The following PAFAH1B2 variants were observed in gnomAD, a reference collection of about 807,000 sequenced individuals.
The protein encoded by PAFAH1B2 is platelet activating factor acetylhydrolase 1b catalytic subunit 2, also known as platelet-activating factor acetylhydrolase IB subunit alpha2.
Under a neutral mutation model 28.0 loss-of-function variants are expected in PAFAH1B2, and 8 were observed. The observed-to-expected ratio is 0.29, with a 90% CI of 0.17 to 0.52. PAFAH1B2 has a LOEUF of 0.52. Among genes scored for constraint, PAFAH1B2 ranks in the 20% least tolerant of loss-of-function variants. The pLI is 0.97. For missense variants in PAFAH1B2, 190 were observed against 282.6 expected (o/e 0.67, Z 2.35); for synonymous variants, 104 against 103.2 (o/e 1.01, Z -0.05).
chr11:117,167,226 C>G (rs1314880046), intron 5 of PAFAH1B2, among the ~76,000 whole-genome samples, 195 bp from the exon 6 acceptor site: 1 of 151,948 alleles, frequency 6.6e-6, no homozygotes, highest in Non-Finnish European at 1.5e-5. Context: ...AGTTAAGGGA[C>G]AGGAGGAAGG....
chr11:117,174,511 T>G (rs557900635), downstream of PAFAH1B2, among the ~76,000 whole-genome samples: 26 of 142,670 alleles, frequency 1.8e-4, no homozygotes, highest in African/African-American at 4.0e-4. Context: ...TTTAGTGGTG[T>G]TTCACTCGTT....
intron 1 of PAFAH1B2, among the ~76,000 whole-genome samples, chr11:117,145,638 A>G (rs1955986182): frequency 6.6e-6 from 1 of 152,132 alleles, no homozygotes; most frequent in South Asian, 2.1e-4. Context: ...GAGGTGCTGG[A>G]CCGGAGGAAC....
chr11:117,151,612 A>T (rs79831695), intron 1 of PAFAH1B2, among the ~76,000 whole-genome samples: 2 of 152,220 alleles, frequency 1.3e-5, no homozygotes, highest in African/African-American at 4.8e-5. Flanking sequence ...GCCAAGGCCT[A>T]TGACTACTTT....
downstream of PAFAH1B2, among the ~76,000 whole-genome samples, chr11:117,174,720 C>T (rs1400593762): frequency 2.6e-5 from 4 of 152,138 alleles, no homozygotes; most frequent in Non-Finnish European, 5.9e-5. Flanking sequence ...TCAGGTGATC[C>T]GTCCACCTTG....
intron 2 of PAFAH1B2, among the ~76,000 whole-genome samples, chr11:117,157,945 C>G (rs1376780078): frequency 1.3e-5 from 2 of 151,994 alleles, no homozygotes; most frequent in Non-Finnish European, 2.9e-5. Flanking sequence ...CGAGACCAGC[C>G]TGACCAACAT....
chr11:117,165,335 G>A (rs1001425540), intron 5 of PAFAH1B2, among the ~76,000 whole-genome samples: 1 of 111,526 alleles, frequency 9.0e-6, no homozygotes. Flanking sequence ...GGGCAACAGA[G>A]CAAAACTCGG....
chr11:117,173,410 A>C (rs942830740), downstream of PAFAH1B2, among the ~76,000 whole-genome samples: 1 of 152,260 alleles, frequency 6.6e-6, no homozygotes, highest in African/African-American at 2.4e-5. Context: ...AGGACAGTAG[A>C]GACCAAGTCC....
intron 2 of PAFAH1B2, among the ~76,000 whole-genome samples, chr11:117,156,335 T>C (rs575913517): frequency 1.3e-5 from 2 of 152,346 alleles, no homozygotes; most frequent in East Asian, 1.9e-4. Context: ...TGGGACTCTT[T>C]AACAACTCTA....
Position 117,170,071 on chromosome 11 carries a change from G to A in PAFAH1B2, c.*2372G>A, listed in dbSNP as rs1956613350. ...TAAAATTCTGCCCCATTACTGATGT[G>A]CAGATATTGAGTTCACTTTCATTTT... On this transcript the variant is annotated 3_prime_UTR_variant, in exon 6 of 6. Coordinates refer to ENST00000527958, the MANE Select transcript of PAFAH1B2 (RefSeq NM_002572.4). 1.2e-5 allele frequency: 13 copies of A among 1,055,660 alleles called. No homozygotes were observed. Among genetic ancestry groups the A allele is most frequent in the Non-Finnish European group, 1.5e-5 (13 of 873,500 alleles). 65.4% of individuals were successfully genotyped at this position (1,055,660 alleles called of 1,614,324 possible).
chr11:117,172,353 TA>T (rs1956667546), downstream of PAFAH1B2, among the ~76,000 whole-genome samples: 12 of 2,474 alleles, frequency 4.9e-3, no homozygotes, highest in African/African-American at 9.7e-3. Flanking sequence ...TAGCTTTATA[TA>T]TATATATATA....
chr11:117,151,238 T>TG (rs1173299887), intron 1 of PAFAH1B2, among the ~76,000 whole-genome samples: 1 of 149,148 alleles, frequency 6.7e-6, no homozygotes, highest in Non-Finnish European at 1.5e-5. Context: ...TTTTTCTTTT[T>TG]TTTTTTTTTG....
chr11:117,152,601 T>TGA (rs1956176860), intron 2 of PAFAH1B2, 73 bp downstream of exon 2: 5 of 1,076,218 alleles, frequency 4.6e-6, no homozygotes, highest in Non-Finnish European at 7.2e-6. Context: ...TTTTAGTTTT[T>TGA]GAGACAAGGT....
At chr11:117,174,588 C>T (rs1184120643), downstream of PAFAH1B2, among the ~76,000 whole-genome samples, 1 of 152,106 alleles carries the variant, frequency 6.6e-6, no homozygotes, top group African/African-American at 2.4e-5. Flanking sequence ...AAGCGATTCT[C>T]CTGCCTCAGC....
In PAFAH1B2 at chr11:117,169,866, A is replaced by G; in HGVS notation, c.*2167A>G. 1.9e-6 allele frequency: 2 copies of G among 1,055,204 alleles called. No individual in the cohort carries two copies. The highest frequency in any genetic ancestry group is 2.3e-6 in the Non-Finnish European group (2 of 872,948). 65.4% of individuals were successfully genotyped at this position (1,055,204 alleles called of 1,614,324 possible). On this transcript the variant is annotated 3_prime_UTR_variant, in exon 6 of 6. Coordinates refer to ENST00000527958, the MANE Select transcript of PAFAH1B2 (RefSeq NM_002572.4). ...AGAAGGTGGGAGTATGGTCCAAATA[A>G]ATCCATTAGGTTACTCCTGCAGCAT... is the stretch of plus-strand genomic sequence containing the variant.
chr11:117,157,373 C>G (rs1274558044), intron 2 of PAFAH1B2, among the ~76,000 whole-genome samples: 1 of 151,984 alleles, frequency 6.6e-6, no homozygotes, highest in Admixed American at 6.6e-5. Context: ...AACTCCTGAG[C>G]TCATGTGATC....
chr11:117,170,513 C>A lies in PAFAH1B2; in HGVS notation c.*2814C>A. The stretch of plus-strand genomic sequence containing the variant: ...CAGCGCTCTGGCTACCACCGTGAGG[C>A]TACTTGAACTGTCAGGGGCATCTGC... On this transcript the variant is annotated 3_prime_UTR_variant, in exon 6 of 6. Transcript: ENST00000527958. The A allele has an allele frequency of 9.5e-7, 1 of 1,058,098 alleles. No individual in the cohort carries two copies. 65.5% of individuals were successfully genotyped at this position (1,058,098 alleles called of 1,614,324 possible).
At chr11:117,174,822 C>T, downstream of PAFAH1B2, 4 of 940,874 alleles carry the variant, frequency 4.3e-6, no homozygotes, top group South Asian at 5.1e-5. Flanking sequence ...ACCATGTTGG[C>T]CAGGCTGGTC....
chr11:117,160,314 A>T (rs1421390004), intron 3 of PAFAH1B2, among the ~76,000 whole-genome samples: 1 of 152,114 alleles, frequency 6.6e-6, no homozygotes, highest in Non-Finnish European at 1.5e-5. Context: ...TCAAGTTATT[A>T]TTTGTATCTT....
chr11:117,163,949 T>G, intron 5 of PAFAH1B2, 57 bp downstream of exon 5: 1 of 1,565,218 alleles, frequency 6.4e-7, no homozygotes, highest in Non-Finnish European at 8.8e-7. Context: ...TGAGGAATCT[T>G]TTTAGAAATG....
Sources: gnomAD v4.1 joint callset for allele counts (sites outside exome capture counted in the v4.1 genomes callset) on GRCh38, gnomAD v4.1.1 for gene constraint, MANE v1.5 for transcripts, NCBI Gene and HGNC (gene_info 2026-07-23, HGNC 2026-07-21) for gene names.